MID1: variants seen among roughly 807,000 people sequenced by gnomAD.
The protein encoded by MID1 is E3 ubiquitin-protein ligase Midline-1.
MID1 carries 7 observed loss-of-function variants against 40.4 expected under a neutral mutation model. The ratio of observed to expected loss-of-function variants is 0.17; its 90% CI spans 0.10 to 0.33. The LOEUF (loss-of-function observed/expected upper bound fraction) is 0.33, where lower values mean the gene tolerates loss of function less well. Among genes scored for constraint, MID1 ranks in the 10% least tolerant of loss-of-function variants. MID1 has a pLI of 1.00. For missense variants in MID1, 367 were observed against 558.5 expected (o/e 0.66, Z 3.46); for synonymous variants, 229 against 221.2 (o/e 1.04, Z -0.31).
intron 1 of MID1, among the ~76,000 whole-genome samples, chrX:10,794,195 G>A (rs1363771924): frequency 8.9e-6 from 1 of 112,166 alleles, no homozygotes; most frequent in Non-Finnish European, 1.9e-5. Context: ...TGGCTCTGTA[G>A]AAGGGTAACA....
At chrX:10,708,498 G>C (rs1205848027) in intron 1 of MID1, among the ~76,000 whole-genome samples, 1 of 110,738 alleles carries the variant, frequency 9.0e-6, no homozygotes, top group Non-Finnish European at 1.9e-5. Flanking sequence ...GGGAAATGAG[G>C]GGGCAAAAAG....
intron 3 of MID1, chrX:10,505,971 T>C: frequency 1.3e-6 from 1 of 756,021 alleles, no homozygotes; most frequent in Non-Finnish European, 1.6e-6. Context: ...TGGTATTCCG[T>C]ACAGTGAGTG....
At chrX:10,665,311 C>A (rs1399535162) in intron 1 of MID1, among the ~76,000 whole-genome samples, 1 of 111,637 alleles carries the variant, frequency 9.0e-6, no homozygotes, top group Non-Finnish European at 1.9e-5. Context: ...TTGATACAGA[C>A]CCTGACTTTT....
At chrX:10,603,053 C>T (rs1935561752) in intron 1 of MID1, among the ~76,000 whole-genome samples, 1 of 112,379 alleles carries the variant, frequency 8.9e-6, no homozygotes, top group Non-Finnish European at 1.9e-5. Context: ...AATGATATTT[C>T]TTAAATTATT....
chrX:10,742,105 C>G (rs1335573300), intron 1 of MID1, among the ~76,000 whole-genome samples: 2 of 111,032 alleles, frequency 1.8e-5, no homozygotes, highest in African/African-American at 6.5e-5. Flanking sequence ...GGCTCAATGC[C>G]CTCATATTCC....
At chrX:10,542,098 T>G (rs1933493350) in intron 2 of MID1, among the ~76,000 whole-genome samples, 1 of 112,188 alleles carries the variant, frequency 8.9e-6, no homozygotes, top group Non-Finnish European at 1.9e-5. Context: ...AAATCATTCA[T>G]AGAATTTTAA....
At chrX:10,460,236 T>C (rs1928943028) in intron 7 of MID1, among the ~76,000 whole-genome samples, 1 of 111,805 alleles carries the variant, frequency 8.9e-6, no homozygotes, top group African/African-American at 3.3e-5. Flanking sequence ...ATACTCTGTT[T>C]ATCCCAACAG....
chrX:10,663,449 G>A (rs1455363172), intron 1 of MID1, among the ~76,000 whole-genome samples: 1 of 112,264 alleles, frequency 8.9e-6, no homozygotes, highest in African/African-American at 3.2e-5. Context: ...ATCAGCAGCT[G>A]AATAATACTT....
intron 1 of MID1, among the ~76,000 whole-genome samples, chrX:10,574,525 G>A (rs1445536347): frequency 2.7e-5 from 3 of 111,754 alleles, no homozygotes; most frequent in Non-Finnish European, 5.6e-5. Flanking sequence ...TAAGGAGATC[G>A]CCCATCATCA....
chrX:10,608,301 C>T lies in MID1; in HGVS notation c.-57+11989G>A, dbSNP rs1471299773. On this transcript the variant is annotated intron_variant, in intron 1 of 9. Coordinates refer to ENST00000317552, the MANE Select transcript of MID1 (RefSeq NM_000381.4). ...ACTTACAGTCATACAAAATCCTACA[C>T]ACAAATGCTCATAGCAACTTTGTTT... is the stretch of plus-strand genomic sequence containing the variant. 5.3e-5 allele frequency among the ~76,000 whole-genome samples: 6 copies of T among 112,229 alleles called. No individual in the cohort carries two copies. The East Asian group carries it at 1.4e-3, about 26-fold the overall frequency.
intron 1 of MID1, among the ~76,000 whole-genome samples, chrX:10,749,361 C>T (rs1438855725): frequency 9.0e-6 from 1 of 111,307 alleles, no homozygotes; most frequent in Non-Finnish European, 1.9e-5. Flanking sequence ...TTGGTAGAAA[C>T]ACAGAACCTC....
At chrX:10,788,736 G>A (rs1234962987) in intron 1 of MID1, among the ~76,000 whole-genome samples, 2 of 111,634 alleles carry the variant, frequency 1.8e-5, no homozygotes, top group African/African-American at 6.5e-5. Context: ...CACCTAGAGG[G>A]CAAAGGACAG....
chrX:10,697,766 A>C (rs1276833414), intron 1 of MID1, among the ~76,000 whole-genome samples: 1 of 111,305 alleles, frequency 9.0e-6, no homozygotes, highest in Admixed American at 9.6e-5. Flanking sequence ...GGTGATTGAA[A>C]ACAGGGTTTC....
intron 1 of MID1, among the ~76,000 whole-genome samples, chrX:10,792,903 A>G (rs980078865): frequency 1.8e-5 from 2 of 112,116 alleles, no homozygotes; most frequent in African/African-American, 6.5e-5. Context: ...TTATATCTCA[A>G]TTAAAAAAAG....
chrX:10,613,057 G>C (rs1487881248), intron 1 of MID1, among the ~76,000 whole-genome samples: 1 of 111,399 alleles, frequency 9.0e-6, no homozygotes, highest in Non-Finnish European at 1.9e-5. Context: ...TCTATATATT[G>C]CTTTATTTGG....
At chrX:10,588,587 C>G (rs1009519726) in intron 1 of MID1, among the ~76,000 whole-genome samples, 8 of 108,176 alleles carry the variant, frequency 7.4e-5, no homozygotes, top group African/African-American at 2.7e-4. Context: ...GTATATTTCT[C>G]TCTTTCTCTT....
At chrX:10,562,063 C>T (rs1262567581) in intron 2 of MID1, among the ~76,000 whole-genome samples, 14 of 106,166 alleles carry the variant, frequency 1.3e-4, no homozygotes, top group Non-Finnish European at 2.3e-4. Context: ...AATTCATGTC[C>T]TTTGCAAGGA....
chrX:10,596,932 C>T (rs1465374606), intron 1 of MID1, among the ~76,000 whole-genome samples: 2 of 110,815 alleles, frequency 1.8e-5, no homozygotes, highest in Non-Finnish European at 3.8e-5. Flanking sequence ...GCTTGAAGCC[C>T]TCTAGAGATC....
intron 1 of MID1, among the ~76,000 whole-genome samples, chrX:10,575,625 A>G (rs1934851195): frequency 9.0e-6 from 1 of 111,463 alleles, no homozygotes; most frequent in Non-Finnish European, 1.9e-5. Context: ...TACTTTACTG[A>G]TTAGCACTCT....
Sources: allele counts gnomAD v4.1 joint callset (sites outside exome capture counted in the v4.1 genomes callset), GRCh38; gene constraint gnomAD v4.1.1; transcripts MANE v1.5; gene names NCBI Gene and HGNC (gene_info 2026-07-23, HGNC 2026-07-21).